The following IGF1R variants were observed in gnomAD, a reference collection of about 807,000 sequenced individuals.
The protein encoded by IGF1R is insulin like growth factor 1 receptor.
IGF1R carries 44 observed loss-of-function variants against 144.6 expected under a neutral mutation model. The ratio of observed to expected loss-of-function variants is 0.30; its 90% CI spans 0.24 to 0.39. The LOEUF (loss-of-function observed/expected upper bound fraction) is 0.39, where lower values mean the gene tolerates loss of function less well. Among genes scored for constraint, IGF1R ranks in the 10% least tolerant of loss-of-function variants. The probability of loss-of-function intolerance (pLI) is 1.00; values close to 1 mark genes in which losing one functional copy is unlikely to be tolerated. For missense variants in IGF1R, 1,355 were observed against 1,833.7 expected, an observed-to-expected ratio of 0.74 and a Z score of 4.77; for synonymous variants, 795 against 722.8, an observed-to-expected ratio of 1.10 and a Z score of -1.60.
In IGF1R at chr15:98,717,123, G is replaced by A. The variant is rs140445094; in HGVS notation, c.640+9016G>A. On this transcript the variant is annotated intron_variant, in intron 2 of 20. Coordinates refer to ENST00000650285, the MANE Select transcript of IGF1R (RefSeq NM_000875.5). ...ACAGGATGTATTTCTTTTAAACTAC[G>A]TTCCTGTGTGGACAAGTGGTATCAT... Among the ~76,000 whole-genome samples, 277 of 152,270 alleles carry A rather than the reference G, an allele frequency of 1.8e-3. 1 individual carries two copies. The highest frequency in any genetic ancestry group is 6.4e-3 in the African/African-American group (267 of 41,552).
chr15:98,878,808 C>T (rs573414142), intron 2 of IGF1R, among the ~76,000 whole-genome samples: 6 of 151,638 alleles, frequency 4.0e-5, no homozygotes, highest in East Asian at 1.9e-4. Flanking sequence ...CTGGCTAACA[C>T]GGTGAAACCA....
intron 2 of IGF1R, among the ~76,000 whole-genome samples, chr15:98,789,295 C>A (rs1335385693): frequency 6.6e-6 from 1 of 152,190 alleles, no homozygotes; most frequent in East Asian, 1.9e-4. Flanking sequence ...GTGCTGATGA[C>A]GCTTTTTCCC....
chr15:98,946,341 G>C (rs920145435), intron 19 of IGF1R, among the ~76,000 whole-genome samples: 4 of 152,092 alleles, frequency 2.6e-5, no homozygotes, highest in African/African-American at 7.2e-5. Flanking sequence ...CTCAGCTGTT[G>C]TATTAGGCAT....
At chr15:98,699,945 A>G (rs572111548) in intron 1 of IGF1R, among the ~76,000 whole-genome samples, 120 of 152,340 alleles carry the variant, frequency 7.9e-4, no homozygotes, top group African/African-American at 2.7e-3. Flanking sequence ...TTAGGTGGCC[A>G]GGATTGCTGT....
At chr15:98,700,370 C>A (rs949973394) in intron 1 of IGF1R, among the ~76,000 whole-genome samples, 2 of 152,018 alleles carry the variant, frequency 1.3e-5, no homozygotes, top group African/African-American at 2.4e-5. Context: ...ACAGGCTTTA[C>A]CTGCACCACA....
chr15:98,650,837 C>A, intron 1 of IGF1R: 2 of 894,344 alleles, frequency 2.2e-6, no homozygotes, highest in South Asian at 5.1e-5. Flanking sequence ...GCTCCACATT[C>A]GCTGTCTTTT....
intron 2 of IGF1R, among the ~76,000 whole-genome samples, chr15:98,741,083 G>A: frequency 6.6e-6 from 1 of 152,058 alleles, no homozygotes; most frequent in South Asian, 2.1e-4. Context: ...GTAAATTGTG[G>A]GTTGACTTCA....
At position 98,935,085 on chromosome 15, in the gene IGF1R, A is replaced by G. The variant is rs772601164; in HGVS notation, c.3186+32A>G. 6.5e-6 allele frequency: 10 copies of G among 1,529,552 alleles called. No individual in the cohort carries two copies. Among genetic ancestry groups the G allele is most frequent in the Non-Finnish European group, 7.2e-6 (8 of 1,103,578 alleles). 94.7% of individuals were successfully genotyped at this position (1,529,552 alleles called of 1,614,324 possible). On this transcript the variant is annotated intron_variant, in intron 16 of 20. Transcript: ENST00000650285. This position sits in a 1 kb window ranked among gnomAD's most constrained non-coding sequence, Gnocchi z 4.2. Reference sequence around the variant, plus strand: ...GAAAGTTCCTGAAAAGCCAAAATGCAGCACAGGGAGAGGGTATCACACAAG... The same window carrying G: ...GAAAGTTCCTGAAAAGCCAAAATGCGGCACAGGGAGAGGGTATCACACAAG...
At chr15:98,916,379 A>C in intron 9 of IGF1R, 1 of 551,212 alleles carries the variant, frequency 1.8e-6, no homozygotes, top group Non-Finnish European at 3.2e-6. Flanking sequence ...CTCATTCCCC[A>C]GCATTCCGAG....
chr15:98,804,722 TG>T (rs1226743318), intron 2 of IGF1R, among the ~76,000 whole-genome samples: 1 of 152,216 alleles, frequency 6.6e-6, no homozygotes, highest in Admixed American at 6.5e-5. Flanking sequence ...AGATAATTAT[TG>T]TTTTTTAAGA....
In IGF1R at chr15:98,860,838, T is replaced by G. The variant is rs536770834; in HGVS notation, c.641-30487T>G. Among the ~76,000 whole-genome samples, 6 of 152,332 alleles carry G rather than the reference T, an allele frequency of 3.9e-5. No homozygotes were observed. In the South Asian group the frequency reaches 8.3e-4, roughly 21 times the overall value. On this transcript the variant is annotated intron_variant, in intron 2 of 20. Coordinates refer to ENST00000650285, the MANE Select transcript of IGF1R (RefSeq NM_000875.5). ...CCACTTCCTTTTTGCTGTGAGTGCT[T>G]TGAAAACAGATTTCTAAGCTTGTTA...
chr15:98,838,147 A>G (rs1325631423), intron 2 of IGF1R, among the ~76,000 whole-genome samples: 2 of 152,216 alleles, frequency 1.3e-5, no homozygotes, highest in Non-Finnish European at 2.9e-5. Context: ...TTCTAATTTC[A>G]GCTTTTTTAT....
chr15:98,805,128 T>A (rs2056444190), intron 2 of IGF1R, among the ~76,000 whole-genome samples: 1 of 152,224 alleles, frequency 6.6e-6, no homozygotes, highest in Non-Finnish European at 1.5e-5. Flanking sequence ...ATTTAAGGTT[T>A]GAATTTAGAT....
chr15:98,803,540 C>G (rs142878161), intron 2 of IGF1R, among the ~76,000 whole-genome samples: 682 of 39,296 alleles, frequency 0.017, 1 homozygote, highest in Middle Eastern at 0.062. Context: ...GGGTCTTGCT[C>G]TGTCCCCCAG....
At chr15:98,784,716 A>T (rs1205763885) in intron 2 of IGF1R, among the ~76,000 whole-genome samples, 2 of 150,354 alleles carry the variant, frequency 1.3e-5, no homozygotes, top group African/African-American at 5.0e-5. Flanking sequence ...GAAAAACAGT[A>T]AAAAAAAATT....
intron 2 of IGF1R, among the ~76,000 whole-genome samples, chr15:98,846,547 T>G (rs894615688): frequency 6.6e-6 from 1 of 152,236 alleles, no homozygotes; most frequent in Non-Finnish European, 1.5e-5. Context: ...GACTTCGGGA[T>G]GGTTACCTCT....
At chr15:98,777,085 G>A (rs764912302) in intron 2 of IGF1R, among the ~76,000 whole-genome samples, 2 of 152,192 alleles carry the variant, frequency 1.3e-5, no homozygotes, top group Non-Finnish European at 2.9e-5. Context: ...AGGGAGGGCT[G>A]CGGTCTGTTT....
chr15:98,912,766 AAATAGTTTTTGCATATGTTCTTAAGG>A (rs2015078478), intron 7 of IGF1R, among the ~76,000 whole-genome samples: 2 of 152,206 alleles, frequency 1.3e-5, no homozygotes, highest in African/African-American at 4.8e-5. Flanking sequence ...GAAGAGAGAA[AAATAGTTTTTGCATATGTTCTTAAGG>A]AATAGTAACT....
intron 2 of IGF1R, among the ~76,000 whole-genome samples, chr15:98,756,078 T>A (rs78043626): frequency 0.022 from 3,333 of 152,234 alleles, 111 homozygotes; most frequent in African/African-American, 0.074. Context: ...AATATTTTTT[T>A]AAAAATTGTG....
Sources: gnomAD v4.1 joint callset for allele counts (sites outside exome capture counted in the v4.1 genomes callset) on GRCh38, gnomAD v4.1.1 for gene constraint, Gnocchi (gnomAD v3.1) non-coding constraint, MANE v1.5 for transcripts, NCBI Gene and HGNC (gene_info 2026-07-23, HGNC 2026-07-21) for gene names.